Variants in TBCEL observed in about 807,000 individuals in gnomAD.
TBCEL encodes tubulin folding cofactor E like, also known as tubulin-specific chaperone cofactor E-like protein.
TBCEL carries 15 observed loss-of-function variants against 44.2 expected under a neutral mutation model. That is an observed-to-expected ratio of 0.34 (90% confidence interval 0.23 to 0.52). The LOEUF is 0.52. Ranked by LOEUF, TBCEL falls within the 20% of genes least tolerant of loss-of-function variation. The pLI is 0.95. For missense variants in TBCEL, 319 were observed against 506.3 expected (o/e 0.63, Z 3.55); for synonymous variants, 171 against 185.4 (o/e 0.92, Z 0.63).
intron 1 of TBCEL, among the ~76,000 whole-genome samples, chr11:121,033,152 A>G (rs1230838065): frequency 2.6e-5 from 4 of 152,202 alleles, no homozygotes; most frequent in Non-Finnish European, 5.9e-5. Flanking sequence ...GAATACCTTT[A>G]TTATATTTAT....
intron 2 of TBCEL, among the ~76,000 whole-genome samples, 193 bp downstream of exon 2, chr11:121,036,805 T>C (rs964405943): frequency 6.6e-6 from 1 of 152,216 alleles, no homozygotes; most frequent in Non-Finnish European, 1.5e-5. Flanking sequence ...TGTGTGTCTT[T>C]GTTCAACATC....
chr11:121,055,668 CTG>C (rs1359683257), intron 6 of TBCEL, among the ~76,000 whole-genome samples: 2 of 151,770 alleles, frequency 1.3e-5, no homozygotes, highest in African/African-American at 4.8e-5. Context: ...TCCCAACCTG[CTG>C]TCTTTTCAAA....
intron 6 of TBCEL, chr11:121,057,416 A>G: frequency 3.3e-6 from 1 of 298,588 alleles, no homozygotes; most frequent in Non-Finnish European, 6.6e-6. Context: ...CTATAAGAAG[A>G]GTTTCATTTT....
intron 1 of TBCEL, 21 bp from the exon 2 acceptor site, chr11:121,036,482 AGT>A (rs1318825166): frequency 2.6e-5 from 4 of 152,156 alleles, no homozygotes; most frequent in African/African-American, 9.7e-5. Context: ...GTATATGCAA[AGT>A]GTTTTTGTCT....
At chr11:121,044,122 G>A (rs542282370) in intron 2 of TBCEL, among the ~76,000 whole-genome samples, 6 of 152,084 alleles carry the variant, frequency 3.9e-5, no homozygotes, top group Non-Finnish European at 8.8e-5. Context: ...TAACATGATC[G>A]TGAATCTGCC....
At chr11:121,044,783 C>G (rs939670233) in intron 2 of TBCEL, among the ~76,000 whole-genome samples, 1 of 152,016 alleles carries the variant, frequency 6.6e-6, no homozygotes, top group Non-Finnish European at 1.5e-5. Context: ...GTGTTTGGAC[C>G]CTTAGCTGAT....
At chr11:121,029,779 C>CTTG (rs1945111868) in intron 1 of TBCEL, among the ~76,000 whole-genome samples, 3 of 142,680 alleles carry the variant, frequency 2.1e-5, no homozygotes, top group African/African-American at 7.8e-5. Flanking sequence ...AATTTTTCTT[C>CTTG]TCATTCTGCC....
intron 6 of TBCEL, chr11:121,057,645 C>G (rs759126829): frequency 1.8e-5 from 8 of 453,334 alleles, no homozygotes; most frequent in Non-Finnish European, 3.5e-5. Flanking sequence ...CATGCACAGA[C>G]TTTTTTCTTG....
chr11:121,024,543 GCTGGGCTGGGGGA>G, intron 1 of TBCEL, among the ~76,000 whole-genome samples: 3 of 151,932 alleles, frequency 2.0e-5, no homozygotes, highest in Non-Finnish European at 2.9e-5. Context: ...GCTGGGCTGG[GCTGGGCTGGGGGA>G]CTGGTCCCGG....
rs1946264416 is a variant in TBCEL, at chr11:121,089,658, A to C, written c.*2562A>C. 6.6e-6 allele frequency: 1 copy of C among 152,196 alleles called. No homozygotes were observed. Among genetic ancestry groups the C allele is most frequent in the Admixed American group, 6.5e-5 (1 of 15,270 alleles). 9.4% of individuals were successfully genotyped at this position (152,196 alleles called of 1,614,324 possible). A position where few individuals can be genotyped will look rare whatever the true frequency, so the allele number is the denominator to read the frequency against. On this transcript the variant is annotated 3_prime_UTR_variant, in exon 9 of 9. Coordinates refer to ENST00000683345, the MANE Select transcript of TBCEL (RefSeq NM_001363644.2). ...ATAACAGAACTAAAAGAAGGAGAGA[A>C]GAGGCCATGGACCTTTGAGTTTACA...
intron 1 of TBCEL, among the ~76,000 whole-genome samples, chr11:121,032,935 A>G (rs191751277): frequency 1.3e-5 from 2 of 152,216 alleles, no homozygotes; most frequent in Admixed American, 6.5e-5. Context: ...GGAAATTTGT[A>G]GATAGGGAAT....
At chr11:121,072,281 T>A (rs1342883982) in intron 8 of TBCEL, among the ~76,000 whole-genome samples, 2 of 152,166 alleles carry the variant, frequency 1.3e-5, no homozygotes, top group Non-Finnish European at 2.9e-5. Flanking sequence ...GAAATTTTCT[T>A]TGCTGTCTGA....
At chr11:121,059,146 C>T (rs1360062874) in intron 7 of TBCEL, among the ~76,000 whole-genome samples, 1 of 151,902 alleles carries the variant, frequency 6.6e-6, no homozygotes, top group Non-Finnish European at 1.5e-5. Flanking sequence ...TTAAGGTTCT[C>T]TAAAGAAGAG....
intron 8 of TBCEL, among the ~76,000 whole-genome samples, chr11:121,067,828 T>G (rs1452115957): frequency 6.6e-6 from 1 of 152,216 alleles, no homozygotes; most frequent in Non-Finnish European, 1.5e-5. Context: ...CTAGCTGGGT[T>G]TCAAAGGACA....
chr11:121,083,674 A>G (rs1017523892), intron 8 of TBCEL, among the ~76,000 whole-genome samples: 8 of 152,192 alleles, frequency 5.3e-5, no homozygotes, highest in Admixed American at 1.3e-4. Context: ...AGTTGTTACT[A>G]TGTTTTAGTT....
intron 8 of TBCEL, among the ~76,000 whole-genome samples, chr11:121,065,937 C>T (rs753359212): frequency 6.6e-6 from 1 of 152,228 alleles, no homozygotes; most frequent in Non-Finnish European, 1.5e-5. Flanking sequence ...ATTACCCTTA[C>T]TTACCTGAGG....
chr11:121,069,007 C>T (rs1945875451), intron 8 of TBCEL, among the ~76,000 whole-genome samples: 1 of 152,166 alleles, frequency 6.6e-6, no homozygotes, highest in Non-Finnish European at 1.5e-5. Context: ...ACCAGGCTAC[C>T]TGCTTCATTC....
At chr11:121,055,684 T>C (rs974801837) in intron 6 of TBCEL, among the ~76,000 whole-genome samples, 1 of 151,940 alleles carries the variant, frequency 6.6e-6, no homozygotes, top group Non-Finnish European at 1.5e-5. Flanking sequence ...TTTCAAATGC[T>C]GACTTTTTTA....
chr11:121,066,967 G>A (rs1232436014), intron 8 of TBCEL, among the ~76,000 whole-genome samples: 1 of 152,112 alleles, frequency 6.6e-6, no homozygotes, highest in Non-Finnish European at 1.5e-5. Context: ...TCAGTGTTCA[G>A]CTCAATTTTC....
Sources: allele counts gnomAD v4.1 joint callset (sites outside exome capture counted in the v4.1 genomes callset), GRCh38; gene constraint gnomAD v4.1.1; transcripts MANE v1.5; gene names NCBI Gene and HGNC (gene_info 2026-07-23, HGNC 2026-07-21).